The following QDPR variants were observed in gnomAD, a reference collection of about 807,000 sequenced individuals.
QDPR encodes the protein quinoid dihydropteridine reductase.
QDPR carries 23 observed loss-of-function variants against 31.7 expected under a neutral mutation model. The ratio of observed to expected loss-of-function variants is 0.73; its 90% confidence interval spans 0.52 to 1.03. The LOEUF (loss-of-function observed/expected upper bound fraction) is 1.03. Ranked by LOEUF, QDPR falls within the 50% of genes least tolerant of loss-of-function variation. The probability of loss-of-function intolerance (pLI) is 0.00; values close to 1 mark genes in which losing one functional copy is unlikely to be tolerated. For missense variants in QDPR, 324 were observed against 323.8 expected (o/e 1.00, Z 0.00); for synonymous variants, 124 against 124.7 (o/e 0.99, Z 0.03).
chr4:17,495,195 G>A (rs948816042), intron 4 of QDPR, among the ~76,000 whole-genome samples: 12 of 152,132 alleles, frequency 7.9e-5, no homozygotes, highest in East Asian at 3.9e-4. Context: ...GTGGCATGAC[G>A]GGGATGGTGA....
chr4:17,493,892 C>T (rs76720353), intron 4 of QDPR, among the ~76,000 whole-genome samples: 5,597 of 152,202 alleles, frequency 0.037, 361 homozygotes, highest in African/African-American at 0.13. Context: ...CTACTAATCA[C>T]CTTATCAGTA....
At position 17,488,854 on chromosome 4, in the gene QDPR, T is replaced by C. The variant is rs111268724; in HGVS notation, c.630-1618A>G. ...GCACATGGGCTCAAAAAACAAAGCG[T>C]TGCTAAAACTCTCTAAAGTACTGTC... On this transcript the variant is annotated intron_variant, in intron 6 of 6. Transcript: ENST00000281243. Among the ~76,000 whole-genome samples the C allele has an allele frequency of 7.0e-4, 106 of 152,272 alleles. 1 individual carries two copies. The highest frequency in any genetic ancestry group is 2.2e-3 in the African/African-American group (93 of 41,560).
chr4:17,501,586 G>T, intron 4 of QDPR, 133 bp downstream of exon 4: 1 of 1,095,382 alleles, frequency 9.1e-7, no homozygotes, highest in Non-Finnish European at 1.3e-6. Flanking sequence ...CCCAAAAGAA[G>T]ACAAAATCCA....
At chr4:17,506,967 A>AG (rs903409618) in intron 2 of QDPR, among the ~76,000 whole-genome samples, 2 of 152,242 alleles carry the variant, frequency 1.3e-5, no homozygotes, top group African/African-American at 4.8e-5. Flanking sequence ...ACAGACTGGA[A>AG]GGAAATATAA....
chr4:17,495,816 C>T (rs986679482), intron 4 of QDPR, among the ~76,000 whole-genome samples: 2 of 151,904 alleles, frequency 1.3e-5, no homozygotes, highest in Non-Finnish European at 2.9e-5. Context: ...TGAAACCAGC[C>T]TGGGCAACAT....
chr4:17,504,154 T>C (rs904840539), intron 3 of QDPR, among the ~76,000 whole-genome samples: 32 of 152,180 alleles, frequency 2.1e-4, no homozygotes, highest in African/African-American at 6.0e-4. Flanking sequence ...GCCTCTACTT[T>C]AAACTCAAAC....
At chr4:17,492,103 C>T (rs1187383748) in intron 5 of QDPR, 129 bp downstream of exon 5, 1 of 678,020 alleles carries the variant, frequency 1.5e-6, no homozygotes, top group Admixed American at 2.6e-5. Context: ...TCTTAAGAGA[C>T]TTTGGTGTGT....
chr4:17,492,405 A>G, intron 4 of QDPR, 65 bp from the exon 5 acceptor site: 4 of 1,272,788 alleles, frequency 3.1e-6, no homozygotes, highest in Admixed American at 1.8e-5. Context: ...AGGACATGCA[A>G]TCTTCTCTTG....
intron 1 of QDPR, 110 bp from the exon 2 acceptor site, chr4:17,509,473 T>A: frequency 1.1e-6 from 1 of 945,172 alleles, no homozygotes. Flanking sequence ...ACGTCTGTAA[T>A]GCCAGCACTT....
At chr4:17,491,263 C>T (rs1718155521) in intron 5 of QDPR, among the ~76,000 whole-genome samples, 1 of 152,180 alleles carries the variant, frequency 6.6e-6, no homozygotes, top group Non-Finnish European at 1.5e-5. Context: ...ATCAAGGCCT[C>T]AGGAATCATT....
intron 3 of QDPR, among the ~76,000 whole-genome samples, chr4:17,502,821 T>C (rs1297946252): frequency 1.3e-5 from 2 of 152,196 alleles, no homozygotes; most frequent in Admixed American, 6.5e-5. Context: ...AGTATAATAC[T>C]TGGGAAACAG....
intron 2 of QDPR, among the ~76,000 whole-genome samples, chr4:17,507,438 C>T (rs915863635): frequency 1.3e-5 from 2 of 152,148 alleles, no homozygotes; most frequent in Non-Finnish European, 2.9e-5. Context: ...CAGGAAGTCC[C>T]AGCTATTCGG....
rs769460415 is a variant in QDPR at position 17,492,269 on chromosome 4, C to T, written c.508G>A (p.Gly170Ser). 1.2e-5 allele frequency: 20 copies of T among 1,613,972 alleles called. No individual in the cohort carries two copies. The highest frequency in any genetic ancestry group is 2.2e-5 in the South Asian group (2 of 91,076). ...ATGGCGGCTGCCCCGGGCGGCATGC[C>T]GCTGTTCTTCCCAGCCAGGCTCTGG... ...LCQSLAGKNS[G>S]MPPGAAAIAV... The change falls in exon 5 of 7, where the codon GGC becomes AGC. Residue 170 changes from glycine (G) to serine (S), a missense_variant. Coordinates refer to ENST00000281243, the MANE Select transcript of QDPR (RefSeq NM_000320.3).
chr4:17,499,647 T>G (rs1403123320), intron 4 of QDPR, among the ~76,000 whole-genome samples: 1 of 132,584 alleles, frequency 7.5e-6, no homozygotes, highest in Non-Finnish European at 1.5e-5. Context: ...GGGCCTGGCG[T>G]AGTGGCTCAT....
rs536397999 is a variant in QDPR, at chr4:17,487,118, ACT to A, written c.*11_*12del. On this transcript the variant is annotated 3_prime_UTR_variant, in exon 7 of 7. Transcript: ENST00000281243. ...CTTTTCTGGCAGGCCCCTCATAGGC[ACT>A]GAGATGAGGCCTAAAAATATGCTGG... The A allele has an allele frequency of 1.9e-4, 308 of 1,604,234 alleles. 1 individual carries two copies. Among genetic ancestry groups the A allele is most frequent in the Non-Finnish European group, 2.5e-4 (288 of 1,171,330 alleles).
chr4:17,487,643 A>G (rs1718014799), intron 6 of QDPR, among the ~76,000 whole-genome samples: 2 of 151,654 alleles, frequency 1.3e-5, no homozygotes. Flanking sequence ...CCGTCTCACA[A>G]AAAATAATAA....
At chr4:17,510,611 C>G (rs1411342925) in intron 1 of QDPR, among the ~76,000 whole-genome samples, 1 of 152,150 alleles carries the variant, frequency 6.6e-6, no homozygotes, top group African/African-American at 2.4e-5. Context: ...AGACCAAGAG[C>G]CAGAGGTAAA....
At chr4:17,507,347 T>A (rs1437062770) in intron 2 of QDPR, among the ~76,000 whole-genome samples, 3 of 152,126 alleles carry the variant, frequency 2.0e-5, no homozygotes, top group Non-Finnish European at 2.9e-5. Context: ...CTTCACATAG[T>A]GATGTGAAGT....
intron 4 of QDPR, 103 bp downstream of exon 4, chr4:17,501,616 A>G (rs1450738578): frequency 2.9e-6 from 4 of 1,357,722 alleles, no homozygotes; most frequent in Non-Finnish European, 4.1e-6. Flanking sequence ...TAAGCAGCTT[A>G]GAGGGTAAAG....
Sources: gnomAD v4.1 joint callset for allele counts (sites outside exome capture counted in the v4.1 genomes callset) on GRCh38, gnomAD v4.1.1 for gene constraint, MANE v1.5 for transcripts, NCBI Gene and HGNC (gene_info 2026-07-23, HGNC 2026-07-21) for gene names.